UBE4B: variants seen among roughly 807,000 people sequenced by gnomAD.
UBE4B encodes the protein ubiquitination factor E4B, also known as ubiquitin conjugation factor E4 B.
A neutral mutation model predicts 148.1 loss-of-function variants in UBE4B; 27 were observed. The ratio of observed to expected loss-of-function variants is 0.18; its 90% CI spans 0.13 to 0.25. UBE4B has a LOEUF of 0.25. UBE4B is among the 10% of genes least tolerant of loss of function. The pLI, the probability that UBE4B is intolerant of heterozygous loss-of-function variation, is 1.00. For synonymous variants in UBE4B, 596 were observed against 619.3 expected (o/e 0.96, Z 0.56); for missense variants, 1,170 against 1,662.4 (o/e 0.70, Z 5.15).
chr1:10,119,708 A>G lies in UBE4B; in HGVS notation c.1439+95A>G, dbSNP rs960045417. 3.3e-5 allele frequency: 35 copies of G among 1,055,404 alleles called. No individual in the cohort carries two copies. In the Admixed American group the frequency reaches 3.8e-4, roughly 12 times the overall value. 65.4% of individuals were successfully genotyped at this position (1,055,404 alleles called of 1,614,324 possible). On this transcript the variant is annotated intron_variant, in intron 9 of 27. Coordinates refer to ENST00000343090, the MANE Select transcript of UBE4B (RefSeq NM_001105562.3). Reference sequence around the variant, plus strand: ...TCTGGCCATTCTTGCACCACCTTAGATAACTCCCTTCCTCACCTGTAAAAT... The same window carrying G: ...TCTGGCCATTCTTGCACCACCTTAGGTAACTCCCTTCCTCACCTGTAAAAT...
intron 10 of UBE4B, 59 bp from the exon 11 acceptor site, chr1:10,126,735 A>G: frequency 1.4e-6 from 2 of 1,426,158 alleles, no homozygotes; most frequent in Non-Finnish European, 9.8e-7. Context: ...TATTTGACAT[A>G]CTTCCCACTC....
At chr1:10,169,809 G>A (rs897647003) in intron 24 of UBE4B, among the ~76,000 whole-genome samples, 3 of 152,216 alleles carry the variant, frequency 2.0e-5, no homozygotes, top group Admixed American at 6.5e-5. Flanking sequence ...GAGGTCAGGA[G>A]TTCCAGACCA....
chr1:10,143,673 T>C (rs757042946), intron 17 of UBE4B, among the ~76,000 whole-genome samples: 10 of 152,228 alleles, frequency 6.6e-5, no homozygotes, highest in Non-Finnish European at 1.0e-4. Flanking sequence ...AGCCATTCTT[T>C]TGTCTACCAT....
Position 10,095,577 on chromosome 1 carries a change from G to T in UBE4B, c.328G>T (p.Gly110Cys), listed in dbSNP as rs1266417929. The T allele has an allele frequency of 6.2e-7, 1 of 1,613,848 alleles. No homozygotes were observed. The highest frequency in any genetic ancestry group is 8.5e-7 in the Non-Finnish European group (1 of 1,180,002). Reference protein sequence around the residue: ...LSRSQSMDIDGVSCEKSMSQV... With the variant: ...LSRSQSMDIDCVSCEKSMSQV... ...ACGTTCCCAGAGCATGGATATCGAT[G>T]GTGTCTCATGTGAGAAAAGGTAAAA... is the stretch of plus-strand genomic sequence containing the variant. The change falls in exon 3 of 28, where the codon GGT becomes TGT. Residue 110 changes from glycine to cysteine, a missense_variant. By Grantham distance (159) the Gly-to-Cys change is radical. Coordinates refer to ENST00000343090, the MANE Select transcript of UBE4B (RefSeq NM_001105562.3).
intron 2 of UBE4B, among the ~76,000 whole-genome samples, chr1:10,086,322 T>C (rs60208411): frequency 0.19 from 28,329 of 151,938 alleles, 3,672 homozygotes; most frequent in African/African-American, 0.37. Flanking sequence ...TGGTCAGGCT[T>C]GTGTTGAACT....
At chr1:10,114,738 C>G (rs1645279345) in intron 7 of UBE4B, among the ~76,000 whole-genome samples, 1 of 152,062 alleles carries the variant, frequency 6.6e-6, no homozygotes, top group African/African-American at 2.4e-5. Context: ...GTGGCGAGCG[C>G]CTGTAGTCCC....
At chr1:10,070,240 C>T (rs1644461412) in intron 1 of UBE4B, among the ~76,000 whole-genome samples, 1 of 151,128 alleles carries the variant, frequency 6.6e-6, no homozygotes, top group Non-Finnish European at 1.5e-5. Context: ...TGCCATTGTA[C>T]TCCAGCCTGG....
chr1:10,102,252 T>C (rs1645024915), intron 4 of UBE4B, among the ~76,000 whole-genome samples: 1 of 152,044 alleles, frequency 6.6e-6, no homozygotes, highest in Non-Finnish European at 1.5e-5. Flanking sequence ...GTTACAATTT[T>C]GAAAAATTCC....
chr1:10,137,772 C>T (rs1195556238), intron 17 of UBE4B, among the ~76,000 whole-genome samples: 2 of 152,110 alleles, frequency 1.3e-5, no homozygotes, highest in Non-Finnish European at 2.9e-5. Flanking sequence ...GTCACAGGAA[C>T]ACAGAAGCAA....
chr1:10,082,240 C>T (rs963923109), intron 2 of UBE4B, among the ~76,000 whole-genome samples: 8 of 151,908 alleles, frequency 5.3e-5, no homozygotes, highest in African/African-American at 1.7e-4. Context: ...GGCTCATGCC[C>T]GTCATCCTAG....
chr1:10,145,883 A>G (rs1224417845), intron 18 of UBE4B, among the ~76,000 whole-genome samples: 1 of 152,184 alleles, frequency 6.6e-6, no homozygotes, highest in Non-Finnish European at 1.5e-5. Context: ...GCCAGCTGAC[A>G]TTGTACAAAT....
rs149441530 is a variant in UBE4B at position 10,179,101 on chromosome 1, A to T, written c.3700+283A>T. ...GGATTCACATTTTCAAAGAATTCCC[A>T]GAAGTCCTAAGACAAAGAATTCCAG... On this transcript the variant is annotated intron_variant, in intron 26 of 27. Coordinates refer to ENST00000343090, the MANE Select transcript of UBE4B (RefSeq NM_001105562.3). 2,051 of 467,032 alleles carry T rather than the reference A, an allele frequency of 4.4e-3. 12 individuals are homozygous for T. Among genetic ancestry groups the T allele is most frequent in the Non-Finnish European group, 4.4e-3 (1,201 of 270,764 alleles). The allele number at this position is 467,032 out of a possible 1,614,324, so 28.9% of individuals were successfully genotyped here.
At chr1:10,152,862 C>T (rs1053804725) in intron 21 of UBE4B, among the ~76,000 whole-genome samples, 4 of 151,906 alleles carry the variant, frequency 2.6e-5, no homozygotes, top group African/African-American at 7.2e-5. Context: ...CATCTTCTAT[C>T]CCTCAGTCTG....
intron 19 of UBE4B, 125 bp downstream of exon 19, chr1:10,147,215 G>T (rs1232149159): frequency 4.8e-6 from 7 of 1,464,166 alleles, no homozygotes; most frequent in Non-Finnish European, 6.5e-6. Flanking sequence ...TCTCTGCAAG[G>T]CGCAGTGGTT....
At chr1:10,144,863 C>T (rs1645843442) in intron 17 of UBE4B, 77 bp from the exon 18 acceptor site, 2 of 988,718 alleles carry the variant, frequency 2.0e-6, no homozygotes, top group Non-Finnish European at 3.1e-6. Flanking sequence ...GTGTGAGAGT[C>T]AGTGAAATGA....
chr1:10,101,284 C>T (rs1460198561), intron 4 of UBE4B, 89 bp downstream of exon 4: 13 of 1,308,542 alleles, frequency 9.9e-6, no homozygotes, highest in Non-Finnish European at 1.2e-5. Context: ...ATTGGGGCCA[C>T]CCGAAATCAG....
intron 2 of UBE4B, chr1:10,072,686 C>A: frequency 2.0e-6 from 1 of 512,056 alleles, no homozygotes; most frequent in Non-Finnish European, 3.4e-6. Context: ...TTAGAACTAT[C>A]TCATTAAAAA....
intron 23 of UBE4B, among the ~76,000 whole-genome samples, chr1:10,167,139 A>G (rs1322771916): frequency 6.6e-6 from 1 of 151,168 alleles, no homozygotes; most frequent in Non-Finnish European, 1.5e-5. Flanking sequence ...CTCAAAAAAA[A>G]ATAACAATAA....
chr1:10,057,731 CA>C (rs1356925665), intron 1 of UBE4B, among the ~76,000 whole-genome samples: 1 of 130,370 alleles, frequency 7.7e-6, no homozygotes, highest in East Asian at 2.1e-4. Flanking sequence ...CCCTGTCTCA[CA>C]GAAAAAAAAA....
Sources: allele counts gnomAD v4.1 joint callset (sites outside exome capture counted in the v4.1 genomes callset), GRCh38; gene constraint gnomAD v4.1.1; transcripts MANE v1.5; gene names NCBI Gene and HGNC (gene_info 2026-07-23, HGNC 2026-07-21).